The following HIBCH variants were observed in gnomAD, a reference collection of about 807,000 sequenced individuals.
HIBCH encodes 3-hydroxyisobutyryl-CoA hydrolase, mitochondrial.
A neutral mutation model predicts 58.2 loss-of-function variants in HIBCH; 50 were observed. That is an observed-to-expected ratio of 0.86 (90% CI 0.68 to 1.09). The LOEUF is 1.09. HIBCH is among the 50% of genes least tolerant of loss of function. The pLI is 0.00. For synonymous variants in HIBCH, 151 were observed against 146.9 expected, an observed-to-expected ratio of 1.03 and a Z score of -0.20; for missense variants, 450 against 449.7, an observed-to-expected ratio of 1.00 and a Z score of -0.01.
At chr2:190,318,982 G>A (rs1026950257) in intron 1 of HIBCH, among the ~76,000 whole-genome samples, 1 of 152,088 alleles carries the variant, frequency 6.6e-6, no homozygotes, top group Non-Finnish European at 1.5e-5. Flanking sequence ...CAAACTCTAA[G>A]GCTTAAAGAA....
intron 2 of HIBCH, among the ~76,000 whole-genome samples, chr2:190,302,759 T>C (rs13388583): frequency 0.019 from 2,929 of 152,198 alleles, 102 homozygotes; most frequent in African/African-American, 0.066. Flanking sequence ...AGTCTAGTCA[T>C]TGGGGGGAAC....
chr2:190,244,624 T>C (rs1686553076), intron 11 of HIBCH, among the ~76,000 whole-genome samples: 1 of 152,186 alleles, frequency 6.6e-6, no homozygotes, highest in South Asian at 2.1e-4. Context: ...AAATGAAGCA[T>C]GCTTACTAAA....
intron 11 of HIBCH, among the ~76,000 whole-genome samples, chr2:190,239,404 C>A (rs1049495512): frequency 6.6e-6 from 1 of 152,070 alleles, no homozygotes; most frequent in Non-Finnish European, 1.5e-5. Flanking sequence ...TAGCATGATG[C>A]CTCCAACTTT....
rs531164383 is a variant in HIBCH at position 190,196,643 on chromosome 2, A to C, written c.*18-6646T>G. 2.0e-5 allele frequency among the ~76,000 whole-genome samples: 3 copies of C among 150,306 alleles called. No homozygotes were observed. The East Asian group carries it at 5.9e-4, about 30-fold the overall frequency. ...CCTTGTAAGGCATCTGGCTTATGTTATCTTCCTTTAAATGGTATTGTTTTA... is the reference window on the plus strand; with the variant it reads ...CCTTGTAAGGCATCTGGCTTATGTTCTCTTCCTTTAAATGGTATTGTTTTA... On this transcript the variant is annotated intron_variant, in intron 1 of 1. Coordinates refer to the HIBCH transcript ENST00000399855.
Position 190,233,088 on chromosome 2 carries a change from T to C in HIBCH, c.891+11799A>G, listed in dbSNP as rs548522320. Among the ~76,000 whole-genome samples the C allele has an allele frequency of 3.9e-5, 6 of 152,282 alleles. No homozygotes were observed. The South Asian group carries it at 1.0e-3, about 26-fold the overall frequency. ...CCTTGACACAGAGGGCAATGAACCA[T>C]TGCCTTTTAGCTTCCAATATTGTTG... On this transcript the variant is annotated intron_variant, in intron 11 of 13. Coordinates refer to ENST00000359678, the MANE Select transcript of HIBCH (RefSeq NM_014362.4).
intron 5 of HIBCH, among the ~76,000 whole-genome samples, chr2:190,288,755 C>T (rs1687891253): frequency 6.6e-6 from 1 of 152,094 alleles, no homozygotes; most frequent in South Asian, 2.1e-4. Context: ...AAAGCAGCGG[C>T]CTCTATTTGT....
intron 5 of HIBCH, among the ~76,000 whole-genome samples, chr2:190,289,726 G>A (rs993566734): frequency 6.6e-6 from 1 of 151,890 alleles, no homozygotes. Flanking sequence ...TAAAAGTACT[G>A]CTTCACCTCC....
intron 11 of HIBCH, among the ~76,000 whole-genome samples, chr2:190,225,676 A>G (rs1294223095): frequency 6.6e-6 from 1 of 152,234 alleles, no homozygotes; most frequent in African/African-American, 2.4e-5. Context: ...TTCATAGCCG[A>G]ATTCTACCAG....
intron 2 of HIBCH, among the ~76,000 whole-genome samples, chr2:190,297,288 A>G (rs1311302203): frequency 1.3e-5 from 2 of 152,252 alleles, no homozygotes; most frequent in African/African-American, 2.4e-5. Flanking sequence ...ATACTGAGAA[A>G]GCAAAGATGA....
At chr2:190,239,647 GTT>G (rs60949644) in intron 11 of HIBCH, among the ~76,000 whole-genome samples, 34,217 of 126,936 alleles carry the variant, frequency 0.27, 3,831 homozygotes, top group East Asian at 0.43. Flanking sequence ...GTGGTTTGTA[GTT>G]TTTTTTTTTT....
chr2:190,253,195 A>G (rs1268091187), intron 7 of HIBCH, among the ~76,000 whole-genome samples: 4 of 152,148 alleles, frequency 2.6e-5, no homozygotes, highest in Non-Finnish European at 5.9e-5. Flanking sequence ...AGTAAAAATA[A>G]TAATAATAAT....
intron 4 of HIBCH, among the ~76,000 whole-genome samples, chr2:190,294,049 T>TATATAC (rs1688039889): frequency 3.6e-5 from 5 of 140,452 alleles, no homozygotes; most frequent in African/African-American, 7.8e-5. Flanking sequence ...TATATATATA[T>TATATAC]ATATAGCAAC....
intron 2 of HIBCH, among the ~76,000 whole-genome samples, chr2:190,302,665 T>TA (rs1424763980): frequency 1.3e-4 from 20 of 152,284 alleles, no homozygotes; most frequent in African/African-American, 4.8e-4. Flanking sequence ...GAGGAGGTAT[T>TA]ACAAGGTGTG....
downstream of HIBCH, chr2:190,200,159 T>A (rs762996740): frequency 1.9e-6 from 3 of 1,610,226 alleles, 1 homozygote; most frequent in South Asian, 3.3e-5. Context: ...GGCTGTAGGA[T>A]GACAACACTT....
At chr2:190,213,253 A>G (rs1024663751) in intron 11 of HIBCH, 178 bp from the exon 12 acceptor site, 1 of 582,872 alleles carries the variant, frequency 1.7e-6, no homozygotes, top group African/African-American at 1.9e-5. Flanking sequence ...TACAAAAACA[A>G]AACATCATTC....
intron 9 of HIBCH, among the ~76,000 whole-genome samples, chr2:190,249,244 T>C (rs1686695548): frequency 6.6e-6 from 1 of 152,182 alleles, no homozygotes; most frequent in Admixed American, 6.5e-5. Flanking sequence ...AAAATTCAAG[T>C]CAGACAACAT....
intron 11 of HIBCH, among the ~76,000 whole-genome samples, chr2:190,231,108 G>A (rs1686082579): frequency 6.6e-6 from 1 of 152,144 alleles, no homozygotes; most frequent in Non-Finnish European, 1.5e-5. Flanking sequence ...GCAATCCAAT[G>A]GGGAAGAAAG....
In HIBCH at chr2:190,203,932, A is replaced by G. The variant is rs888379619; in HGVS notation, c.*1185T>C. On this transcript the variant is annotated 3_prime_UTR_variant, in exon 14 of 14. Transcript: ENST00000359678. ...AGGAGAAACTATAACAAGTTACAAA[A>G]AATTTATTTTGTTTATAAACAAAAA... is the stretch of plus-strand genomic sequence containing the variant. 6.6e-6 allele frequency: 1 copy of G among 152,084 alleles called. No individual in the cohort carries two copies. Among genetic ancestry groups the G allele is most frequent in the African/African-American group, 2.4e-5 (1 of 41,456 alleles). 9.4% of individuals were successfully genotyped at this position (152,084 alleles called of 1,614,324 possible). A position where few individuals can be genotyped will look rare whatever the true frequency, so the allele number is the denominator to read the frequency against.
chr2:190,297,048 T>G, intron 2 of HIBCH, 95 bp from the exon 3 acceptor site: 1 of 1,154,478 alleles, frequency 8.7e-7, no homozygotes, highest in South Asian at 1.3e-5. Context: ...ATCTTGCATA[T>G]TAATGGTAAC....
Sources: allele counts gnomAD v4.1 joint callset (sites outside exome capture counted in the v4.1 genomes callset), GRCh38; gene constraint gnomAD v4.1.1; transcripts MANE v1.5; gene names NCBI Gene and HGNC (gene_info 2026-07-23, HGNC 2026-07-21).